Variants in TBCD observed in about 807,000 individuals in gnomAD.
TBCD encodes the protein tubulin-specific chaperone D.
A neutral mutation model predicts 169.3 loss-of-function variants in TBCD; 105 were observed. The ratio of observed to expected loss-of-function variants is 0.62; its 90% CI spans 0.53 to 0.73. The LOEUF (loss-of-function observed/expected upper bound fraction) is 0.73, where lower values mean the gene tolerates loss of function less well. Ranked by LOEUF, TBCD falls within the 30% of genes least tolerant of loss-of-function variation. The pLI, the probability that TBCD is intolerant of heterozygous loss-of-function variation, is 0.00. For missense variants in TBCD, 1,444 were observed against 1,600.1 expected (o/e 0.90, Z 1.66); for synonymous variants, 700 against 643.9 (o/e 1.09, Z -1.32).
At chr17:82,924,873 C>A in intron 26 of TBCD, 66 bp from the exon 27 acceptor site, 3 of 1,326,918 alleles carry the variant, frequency 2.3e-6, no homozygotes, top group Non-Finnish European at 3.2e-6. Context: ...TTGGGGCACA[C>A]GTCGGGTGTG....
intron 22 of TBCD, among the ~76,000 whole-genome samples, chr17:82,910,396 C>G (rs561695625): frequency 6.6e-6 from 1 of 152,284 alleles, no homozygotes; most frequent in African/African-American, 2.4e-5. Flanking sequence ...CTGGGTCTTT[C>G]GTGAAGTTTT....
chr17:82,929,283 G>A lies in TBCD; in HGVS notation c.2852+12G>A. 1.2e-6 allele frequency: 2 copies of A among 1,612,670 alleles called. No homozygotes were observed. The highest frequency in any genetic ancestry group is 2.2e-5 in the South Asian group (2 of 91,020). On this transcript the variant is annotated intron_variant, in intron 31 of 38. Transcript: ENST00000355528. ...AAGCTGTTTCCCAGGTACTGTCGGG[G>A]TGTAGGCCCCCCGTGCTGGCCCCGC...
chr17:82,839,191 G>A (rs2054247148), intron 13 of TBCD, among the ~76,000 whole-genome samples: 1 of 152,002 alleles, frequency 6.6e-6, no homozygotes. Context: ...TAGTAAATTC[G>A]GCACTGTCTA....
Position 82,922,185 on chromosome 17 carries a change from AC to A in TBCD, c.2178+612del, listed in dbSNP as rs915281446. ...AGGCCAGCCTGGCCAACATGGTGAA[AC>A]CCCATCTCTACTAAAAATACAAAAA... On this transcript the variant is annotated intron_variant, in intron 25 of 38. Transcript: ENST00000355528. This position sits in a 1 kb window ranked among gnomAD's most constrained non-coding sequence, Gnocchi z 4.1. 1.3e-5 allele frequency among the ~76,000 whole-genome samples: 2 copies of A among 152,144 alleles called. No individual in the cohort carries two copies. Among genetic ancestry groups the A allele is most frequent in the African/African-American group, 2.4e-5 (1 of 41,418 alleles).
At chr17:82,881,994 T>A (rs931608297) in intron 14 of TBCD, among the ~76,000 whole-genome samples, 1 of 149,870 alleles carries the variant, frequency 6.7e-6, no homozygotes, top group Admixed American at 6.6e-5. Context: ...ACCCAGGCCC[T>A]CTTGGCCATC....
chr17:82,882,857 G>T (rs912560342), intron 14 of TBCD, among the ~76,000 whole-genome samples: 1 of 152,202 alleles, frequency 6.6e-6, no homozygotes, highest in African/African-American at 2.4e-5. Context: ...TGGCTGGCAG[G>T]GCCGGCGCCT....
At chr17:82,907,656 A>G in intron 20 of TBCD, 105 bp from the exon 21 acceptor site, 1 of 1,256,106 alleles carries the variant, frequency 8.0e-7, no homozygotes, top group Non-Finnish European at 1.1e-6. Flanking sequence ...CTCCGAGTGT[A>G]CTTGGGGTTA....
In TBCD at chr17:82,923,842, CACG is replaced by C; in HGVS notation, c.2260+111_2260+113del. ...CGGTTGTGCAGTGGAGCAGAGCCAC[CACG>C]ATCATGGCTGGAGTGGGACTGTTCG... On this transcript the variant is annotated intron_variant, in intron 26 of 38. Coordinates refer to ENST00000355528, the MANE Select transcript of TBCD (RefSeq NM_005993.5). The surrounding 1 kb of genome is among the most constrained non-coding windows in gnomAD (Gnocchi z 4.6). The C allele has an allele frequency of 1.2e-6, 1 of 869,102 alleles. No homozygotes were observed. Among genetic ancestry groups the C allele is most frequent in the Non-Finnish European group, 1.8e-6 (1 of 564,982 alleles). 53.8% of individuals were successfully genotyped at this position (869,102 alleles called of 1,614,324 possible).
intron 35 of TBCD, 187 bp downstream of exon 35, chr17:82,937,547 G>A (rs2062733011): frequency 1.6e-6 from 1 of 627,712 alleles, no homozygotes; most frequent in Non-Finnish European, 2.8e-6. Context: ...GGTGCTGGTG[G>A]AGGGAGTTCC....
chr17:82,838,468 C>T (rs984891542), intron 13 of TBCD, among the ~76,000 whole-genome samples: 4 of 152,180 alleles, frequency 2.6e-5, no homozygotes, highest in Non-Finnish European at 5.9e-5. Context: ...TGTAATGTTC[C>T]TTTTGGTGGT....
intron 1 of TBCD, among the ~76,000 whole-genome samples, chr17:82,755,062 TG>T (rs1464473734): frequency 2.6e-5 from 4 of 152,204 alleles, no homozygotes; most frequent in Non-Finnish European, 5.9e-5. Context: ...AATCAATACC[TG>T]TAAGATGTAC....
At chr17:82,940,275 C>T (rs563715698) in intron 37 of TBCD, among the ~76,000 whole-genome samples, 85 of 150,476 alleles carry the variant, frequency 5.6e-4, no homozygotes, top group African/African-American at 2.0e-3. Flanking sequence ...CTCGTCACCC[C>T]GTGTTGGAGA....
chr17:82,792,290 A>G (rs893106678), intron 7 of TBCD, among the ~76,000 whole-genome samples: 2 of 150,470 alleles, frequency 1.3e-5, no homozygotes, highest in African/African-American at 4.9e-5. Flanking sequence ...CCTGGGTGAC[A>G]GAGCGAGACT....
At chr17:82,775,186 C>G (rs762606883) in intron 6 of TBCD, among the ~76,000 whole-genome samples, 1 of 152,184 alleles carries the variant, frequency 6.6e-6, no homozygotes, top group South Asian at 2.1e-4. Flanking sequence ...GCTTTTCGGC[C>G]GAGCCAGTTT....
At chr17:82,900,074 C>G (rs1316841376) in intron 17 of TBCD, among the ~76,000 whole-genome samples, 1 of 152,162 alleles carries the variant, frequency 6.6e-6, no homozygotes, top group Non-Finnish European at 1.5e-5. Flanking sequence ...GAGTGCAGGG[C>G]TTTACTGAAG....
Position 82,927,512 on chromosome 17 carries a change from G to A in TBCD, c.2609+189G>A, listed in dbSNP as rs528942854. On this transcript the variant is annotated intron_variant, in intron 29 of 38. Coordinates refer to ENST00000355528, the MANE Select transcript of TBCD (RefSeq NM_005993.5). The stretch of plus-strand genomic sequence containing the variant: ...GAGCCTGCGTGGCAGGGCTTTGCAG[G>A]TGCTTGTCCAGCCCGTCCTCAGGTG... Among the ~76,000 whole-genome samples the A allele has an allele frequency of 1.2e-4, 18 of 152,328 alleles. No individual in the cohort carries two copies. In the East Asian group the frequency reaches 2.5e-3, roughly 21 times the overall value.
intron 34 of TBCD, chr17:82,932,965 T>C: frequency 1.8e-6 from 1 of 541,990 alleles, no homozygotes; most frequent in Non-Finnish European, 3.3e-6. Context: ...GTCAGCCCCA[T>C]CTGGGGCTGA....
chr17:82,812,999 T>C (rs1447620066), intron 12 of TBCD, among the ~76,000 whole-genome samples: 1 of 152,144 alleles, frequency 6.6e-6, no homozygotes, highest in Non-Finnish European at 1.5e-5. Context: ...TTTTATTTCA[T>C]TTTTGTAGAG....
intron 15 of TBCD, among the ~76,000 whole-genome samples, chr17:82,888,984 C>T (rs1231851870): frequency 6.6e-6 from 1 of 152,150 alleles, no homozygotes; most frequent in Non-Finnish European, 1.5e-5. Context: ...CCTGAGAACT[C>T]GGAGCCCGGG....
Sources: allele counts gnomAD v4.1 joint callset (sites outside exome capture counted in the v4.1 genomes callset), GRCh38; gene constraint gnomAD v4.1.1; non-coding constraint Gnocchi (gnomAD v3.1); transcripts MANE v1.5; gene names NCBI Gene and HGNC (gene_info 2026-07-23, HGNC 2026-07-21).